RMST: variants seen among roughly 807,000 people sequenced by gnomAD.
The protein encoded by RMST is rhabdomyosarcoma 2 associated transcript, also known as long intergenic non-protein coding RNA 54.
At chr12:97,484,584 A>G (rs780381950) in intron 5 of RMST, among the ~76,000 whole-genome samples, 1 of 152,206 alleles carries the variant, frequency 6.6e-6, no homozygotes, top group Non-Finnish European at 1.5e-5. Flanking sequence ...GTGTCAAACT[A>G]TGATAAAAAC....
intron 10 of RMST, among the ~76,000 whole-genome samples, chr12:97,527,911 G>A (rs1881269873): frequency 6.6e-6 from 1 of 151,840 alleles, no homozygotes; most frequent in Non-Finnish European, 1.5e-5. Context: ...AAAAATAAAA[G>A]GTGTAGCACA....
chr12:97,482,719 T>C (rs1436893439), intron 5 of RMST, among the ~76,000 whole-genome samples: 1 of 116,766 alleles, frequency 8.6e-6, no homozygotes, highest in Admixed American at 8.8e-5. Context: ...TTATATTATT[T>C]ATTTATTAAA....
chr12:97,471,307 C>T (rs752796043), intron 5 of RMST, among the ~76,000 whole-genome samples: 5 of 152,038 alleles, frequency 3.3e-5, no homozygotes, highest in African/African-American at 7.2e-5. Context: ...AGAAAAGTTG[C>T]TTCTTAAACC....
At chr12:97,494,398 A>T (rs1877181982) in intron 8 of RMST, among the ~76,000 whole-genome samples, 1 of 152,070 alleles carries the variant, frequency 6.6e-6, no homozygotes, top group South Asian at 2.1e-4. Context: ...ATTATAAGAA[A>T]ATTAATCCGG....
At chr12:97,521,146 T>A (rs970192647) in intron 10 of RMST, among the ~76,000 whole-genome samples, 1 of 152,184 alleles carries the variant, frequency 6.6e-6, no homozygotes, top group Non-Finnish European at 1.5e-5. Flanking sequence ...AGCCAGAAAG[T>A]ATCTGCTTTT....
intron 10 of RMST, among the ~76,000 whole-genome samples, chr12:97,502,499 C>T (rs1313011001): frequency 6.6e-6 from 1 of 152,158 alleles, no homozygotes; most frequent in Non-Finnish European, 1.5e-5. Flanking sequence ...TCTCACTCTG[C>T]CACCAGGCTG....
chr12:97,506,245 A>G (rs1371608021), intron 10 of RMST, among the ~76,000 whole-genome samples: 6 of 152,226 alleles, frequency 3.9e-5, no homozygotes, highest in Admixed American at 6.5e-5. Flanking sequence ...ACTTTATAGA[A>G]CAGCTCAAAA....
At chr12:97,469,925 A>G (rs1326537612) in intron 5 of RMST, among the ~76,000 whole-genome samples, 4 of 152,138 alleles carry the variant, frequency 2.6e-5, no homozygotes, top group African/African-American at 9.7e-5. Context: ...TTTAGATCTC[A>G]TACCATTTGG....
chr12:97,534,958 T>A (rs1455394676), intron 11 of RMST, among the ~76,000 whole-genome samples: 1 of 151,724 alleles, frequency 6.6e-6, no homozygotes, highest in African/African-American at 2.4e-5. Flanking sequence ...AGATGTACTA[T>A]AAGCGATTTT....
intron 5 of RMST, among the ~76,000 whole-genome samples, chr12:97,484,656 G>A (rs144627510): frequency 2.0e-5 from 3 of 152,308 alleles, no homozygotes; most frequent in South Asian, 2.1e-4. Context: ...AGCTGAGAGA[G>A]CAAGAATTGG....
chr12:97,529,608 A>G (rs1317424373), intron 10 of RMST, among the ~76,000 whole-genome samples: 1 of 152,098 alleles, frequency 6.6e-6, no homozygotes, highest in Non-Finnish European at 1.5e-5. Flanking sequence ...TTTTGTTGAT[A>G]CTCAGACATT....
At chr12:97,524,547 G>A (rs1328885632) in intron 10 of RMST, among the ~76,000 whole-genome samples, 1 of 152,146 alleles carries the variant, frequency 6.6e-6, no homozygotes, top group Non-Finnish European at 1.5e-5. Flanking sequence ...ATTATCAGGT[G>A]TTTCCAAGTG....
At chr12:97,531,847 A>G (rs1325224332) in intron 11 of RMST, among the ~76,000 whole-genome samples, 1 of 152,006 alleles carries the variant, frequency 6.6e-6, no homozygotes, top group African/African-American at 2.4e-5. Flanking sequence ...AAATGTTATG[A>G]AATTACATTT....
intron 10 of RMST, among the ~76,000 whole-genome samples, chr12:97,515,557 CCAAA>C (rs1207204685): frequency 4.6e-5 from 7 of 151,888 alleles, no homozygotes. Flanking sequence ...TAGCATTGTA[CCAAA>C]CATAGTATCA....
At chr12:97,500,447 T>C (rs968683283) in intron 10 of RMST, among the ~76,000 whole-genome samples, 5 of 152,240 alleles carry the variant, frequency 3.3e-5, no homozygotes, top group Non-Finnish European at 7.3e-5. Context: ...AAGAACCTAC[T>C]GTGCATAAGA....
chr12:97,513,150 C>G (rs529353876), intron 10 of RMST, among the ~76,000 whole-genome samples: 6 of 152,164 alleles, frequency 3.9e-5, no homozygotes, highest in African/African-American at 1.2e-4. Flanking sequence ...CTGAGGGGGC[C>G]GGCTCTGGCC....
rs984061173 is a variant in RMST, at chr12:97,482,682, T to A, written n.645-9779T>A. On this transcript the variant is annotated intron_variant and non_coding_transcript_variant, in intron 5 of 13. Coordinates refer to ENST00000640149, the Ensembl canonical transcript of RMST. ...AAATTTATTTATTTAATATTTAATT[T>A]ATTTATTATTTATTTAATAAATAAA... is the stretch of plus-strand genomic sequence containing the variant. 2.5e-3 allele frequency among the ~76,000 whole-genome samples: 250 copies of A among 99,034 alleles called. 6 individuals are homozygous for A. Among genetic ancestry groups the A allele is most frequent in the Non-Finnish European group, 3.4e-3 (176 of 52,204 alleles). The allele number at this position is 99,034 out of a possible 152,430, so 65.0% of individuals were successfully genotyped here.
chr12:97,470,203 C>A (rs1160196262), intron 5 of RMST, among the ~76,000 whole-genome samples: 4 of 152,090 alleles, frequency 2.6e-5, no homozygotes, highest in African/African-American at 7.2e-5. Flanking sequence ...CTGACAGTTG[C>A]AACAACTAAG....
At chr12:97,553,084 G>A (rs1235549013) in intron 11 of RMST, among the ~76,000 whole-genome samples, 1 of 152,028 alleles carries the variant, frequency 6.6e-6, no homozygotes, top group Non-Finnish European at 1.5e-5. Context: ...ATAAATGATT[G>A]GTAAAATGTT....
Sources: gnomAD v4.1 joint callset for allele counts (sites outside exome capture counted in the v4.1 genomes callset) on GRCh38, gnomAD v4.1.1 for gene constraint, MANE v1.5 for transcripts, NCBI Gene and HGNC (gene_info 2026-07-23, HGNC 2026-07-21) for gene names.